IGSF10: variants seen among roughly 807,000 people sequenced by gnomAD.
IGSF10 encodes the protein immunoglobulin superfamily member 10.
Under a neutral mutation model 128.2 loss-of-function variants are expected in IGSF10, and 126 were observed. The observed-to-expected ratio is 0.98, with a 90% CI of 0.85 to 1.14. IGSF10 has a LOEUF of 1.14. IGSF10 is among the 50% of genes most tolerant of loss of function. IGSF10 has a pLI of 0.00. For synonymous variants in IGSF10, 1,185 were observed against 1,146.2 expected (o/e 1.03, Z -0.68); for missense variants, 3,295 against 3,149.8 (o/e 1.05, Z -1.10).
At chr3:151,604,188 A>C in the IGSF10 span, among the ~76,000 whole-genome samples, 1 of 152,216 alleles carries the variant, frequency 6.6e-6, no homozygotes, top group Non-Finnish European at 1.5e-5. Flanking sequence ...AATTATATTT[A>C]TGAGAACTAT....
the IGSF10 span, among the ~76,000 whole-genome samples, chr3:151,615,128 AT>A: frequency 6.7e-6 from 1 of 150,302 alleles, no homozygotes; most frequent in Non-Finnish European, 1.5e-5. Flanking sequence ...TGAAACCTCT[AT>A]TTTGGGTCAG....
At chr3:151,589,453 G>A in the IGSF10 span, among the ~76,000 whole-genome samples, 4 of 152,096 alleles carry the variant, frequency 2.6e-5, no homozygotes, top group Admixed American at 1.3e-4. Context: ...AGCTGACCAC[G>A]GAATCCTTGT....
In IGSF10 at chr3:151,437,092, G is replaced by A. The variant is rs1720358787; in HGVS notation, c.7469C>T (p.Thr2490Ile). 2 of 1,614,100 alleles carry A rather than the reference G, an allele frequency of 1.2e-6. No individual in the cohort carries two copies. Among genetic ancestry groups the A allele is most frequent in the Non-Finnish European group, 1.7e-6 (2 of 1,180,022 alleles). ...AGCTGTTGCTTCTTTAATGACTAAG[G>A]TGCCATTGTCATGCAATATGTATTT... ...NGKYILHDNG[T>I]LVIKEATAYD... Residue 2490 changes from threonine (T) to isoleucine (I), a missense_variant, in exon 8 of 8, where the codon ACC (threonine) becomes ATC (isoleucine). By Grantham distance (89) the Thr-to-Ile change is moderately conservative. Transcript: ENST00000282466.
chr3:151,492,775 A>G, the IGSF10 span, among the ~76,000 whole-genome samples: 1 of 131,060 alleles, frequency 7.6e-6, no homozygotes, highest in Admixed American at 7.7e-5. Flanking sequence ...CATATGACAC[A>G]GCAATCTTTG....
At chr3:151,501,659 A>G in the IGSF10 span, among the ~76,000 whole-genome samples, 31 of 152,200 alleles carry the variant, frequency 2.0e-4, no homozygotes, top group African/African-American at 7.0e-4. Context: ...ATGTTGATAC[A>G]GAATTTTAGA....
chr3:151,534,801 A>ATATGTGTGTGTGTGTGTGTGTG, the IGSF10 span, among the ~76,000 whole-genome samples: 12 of 149,078 alleles, frequency 8.0e-5, no homozygotes, highest in African/African-American at 3.0e-4. Context: ...TTTAAAGTGT[A>ATATGTGTGTGTGTGTGTGTGTG]TGTGTGTGTG....
chr3:151,532,852 G>A, the IGSF10 span, among the ~76,000 whole-genome samples: 1 of 152,110 alleles, frequency 6.6e-6, no homozygotes, highest in African/African-American at 2.4e-5. Context: ...GAAATAAAGG[G>A]TATTCAATTA....
the IGSF10 span, among the ~76,000 whole-genome samples, chr3:151,558,018 A>ATTATATATTATATATAATATATATT: frequency 6.6e-5 from 1 of 15,220 alleles, no homozygotes; most frequent in African/African-American, 3.8e-4. Context: ...ATATATATAT[A>ATTATATATTATATATAATATATATT]ATATATATAT....
chr3:151,616,059 G>A, the IGSF10 span, among the ~76,000 whole-genome samples: 1 of 151,142 alleles, frequency 6.6e-6, no homozygotes. Context: ...CCGCCTCCTG[G>A]GTTCAAGTGA....
chr3:151,604,070 A>G, the IGSF10 span, among the ~76,000 whole-genome samples: 1 of 152,236 alleles, frequency 6.6e-6, no homozygotes, highest in African/African-American at 2.4e-5. Context: ...ATTGAAAATT[A>G]TAAACCTTTT....
At chr3:151,483,591 C>T in the IGSF10 span, among the ~76,000 whole-genome samples, 1 of 152,120 alleles carries the variant, frequency 6.6e-6, no homozygotes, top group African/African-American at 2.4e-5. Context: ...TGGATGATTT[C>T]TATATTTCTA....
chr3:151,486,442 A>G, the IGSF10 span, among the ~76,000 whole-genome samples: 1 of 152,188 alleles, frequency 6.6e-6, no homozygotes, highest in Non-Finnish European at 1.5e-5. Flanking sequence ...CCAGGAGTTG[A>G]ACTCACCTCT....
the IGSF10 span, chr3:151,499,717 T>G: frequency 0.82 from 124,941 of 151,868 alleles, 51,477 homozygotes; most frequent in Middle Eastern, 0.93. Flanking sequence ...TGGTTTCAGG[T>G]GCCCCATTCG....
chr3:151,433,041 A>G (rs185390052), downstream of IGSF10: 4 of 465,198 alleles, frequency 8.6e-6, no homozygotes, highest in Non-Finnish European at 1.5e-5. Context: ...TGAATCATGC[A>G]GGCAGGCCTA....
chr3:151,437,658 C>G lies in IGSF10; in HGVS notation c.6903G>C (p.Arg2301Ser), dbSNP rs1448328536. The stretch of plus-strand genomic sequence containing the variant: ...CGGCTGAATCTGAAAGCCTCACATT[C>G]CTAATTTCCAAGGTTCCATTTTTAT... The part of the protein sequence containing the change: ...TVHKNGTLEI[R>S]NVRLSDSADF... Residue 2301 changes from arginine (R) to serine (S), a missense_variant, in exon 8 of 8, where the codon AGG becomes AGC. Arg to Ser is a moderately radical substitution (Grantham distance 110). Transcript: ENST00000282466. The G allele has an allele frequency of 3.1e-6, 5 of 1,614,164 alleles. No homozygotes were observed. Among genetic ancestry groups the G allele is most frequent in the Non-Finnish European group, 4.2e-6 (5 of 1,180,028 alleles).
chr3:151,486,236 A>G, the IGSF10 span, among the ~76,000 whole-genome samples: 1 of 152,306 alleles, frequency 6.6e-6, no homozygotes, highest in South Asian at 2.1e-4. Flanking sequence ...GCATTACATG[A>G]TGGTAAAGGG....
the IGSF10 span, among the ~76,000 whole-genome samples, chr3:151,475,192 A>G: frequency 2.0e-5 from 3 of 152,132 alleles, no homozygotes; most frequent in Non-Finnish European, 2.9e-5. Flanking sequence ...ATTCAGCTGG[A>G]AAAAAGATGT....
Position 151,437,015 on chromosome 3 carries a change from G to A in IGSF10, c.7546C>T (p.Leu2516=). ...CKAQNSVGHT[L]ITVPVMIVAY... ...ACAATCATTACTGGAACAGTAATCA[G>A]TGTATGACCAACACTATTTTGAGCC... The change falls in exon 8 of 8, where the codon CTG becomes TTG. Residue 2516 remains leucine (L), a synonymous_variant. Coordinates refer to ENST00000282466, the MANE Select transcript of IGSF10 (RefSeq NM_178822.5). 2 of 1,613,966 alleles carry A rather than the reference G, an allele frequency of 1.2e-6. No homozygotes were observed. Among genetic ancestry groups the A allele is most frequent in the Non-Finnish European group, 1.7e-6 (2 of 1,179,998 alleles).
the IGSF10 span, among the ~76,000 whole-genome samples, chr3:151,519,701 A>C: frequency 6.6e-6 from 1 of 151,792 alleles, no homozygotes; most frequent in Non-Finnish European, 1.5e-5. Context: ...GGCAAAATAA[A>C]GCAATGAATT....
Sources: gnomAD v4.1 joint callset for allele counts (sites outside exome capture counted in the v4.1 genomes callset) on GRCh38, gnomAD v4.1.1 for gene constraint, MANE v1.5 for transcripts, NCBI Gene and HGNC (gene_info 2026-07-23, HGNC 2026-07-21) for gene names.